The following GPHN variants were observed in gnomAD, a reference collection of about 807,000 sequenced individuals.
GPHN encodes gephyrin.
In GPHN, 17 loss-of-function variants were observed where a neutral mutation model predicts 95.5. That is an observed-to-expected ratio of 0.18 (90% confidence interval 0.12 to 0.27). The LOEUF is 0.27. Ranked by LOEUF, GPHN falls within the 10% of genes least tolerant of loss-of-function variation. The pLI is 1.00. For synonymous variants in GPHN, 320 were observed against 322.5 expected, an observed-to-expected ratio of 0.99 and a Z score of 0.08; for missense variants, 660 against 978.1, an observed-to-expected ratio of 0.67 and a Z score of 4.34.
chr14:67,319,355 T>C, the GPHN span, among the ~76,000 whole-genome samples: 4 of 152,226 alleles, frequency 2.6e-5, no homozygotes, highest in South Asian at 8.3e-4. Flanking sequence ...TGGTTTCATC[T>C]GGATTATGGG....
chr14:67,352,426 CAA>C, the GPHN span, among the ~76,000 whole-genome samples: 54 of 76,658 alleles, frequency 7.0e-4, no homozygotes, highest in Admixed American at 7.2e-4. Flanking sequence ...GACCTTGCCT[CAA>C]AAAAAAAAAA....
chr14:67,690,050 C>T, the GPHN span: 1 of 616,158 alleles, frequency 1.6e-6, no homozygotes, highest in East Asian at 2.8e-5. Context: ...AGCCAGCCAC[C>T]TCCAATATTC....
At chr14:67,256,240 T>C in the GPHN span, among the ~76,000 whole-genome samples, 1 of 151,936 alleles carries the variant, frequency 6.6e-6, no homozygotes, top group Non-Finnish European at 1.5e-5. Flanking sequence ...TTAATAACTT[T>C]ATAAACATCT....
At chr14:67,606,591 T>A in the GPHN span, among the ~76,000 whole-genome samples, 1 of 152,160 alleles carries the variant, frequency 6.6e-6, no homozygotes, top group South Asian at 2.1e-4. Flanking sequence ...ACTATTTTTT[T>A]ATGAAGATTT....
the GPHN span, among the ~76,000 whole-genome samples, chr14:67,448,838 C>T: frequency 6.6e-6 from 1 of 152,120 alleles, no homozygotes; most frequent in Non-Finnish European, 1.5e-5. Context: ...CTTAAAGAAC[C>T]TTGACCTAAG....
intron 1 of GPHN, among the ~76,000 whole-genome samples, chr14:66,603,420 AT>A (rs2062358335): frequency 6.6e-6 from 1 of 151,796 alleles, no homozygotes; most frequent in Non-Finnish European, 1.5e-5. Context: ...CTTTGTGAAC[AT>A]TTTCCTATGC....
At chr14:67,148,325 A>T (rs2081024192) in intron 18 of GPHN, among the ~76,000 whole-genome samples, 2 of 152,156 alleles carry the variant, frequency 1.3e-5, no homozygotes, top group South Asian at 4.1e-4. Flanking sequence ...AAAACTCAGC[A>T]AACTCACTAA....
intron 2 of GPHN, among the ~76,000 whole-genome samples, chr14:66,722,635 G>T (rs1196264604): frequency 1.3e-5 from 2 of 151,838 alleles, no homozygotes; most frequent in Non-Finnish European, 1.5e-5. Flanking sequence ...GTGGAGATGG[G>T]GTCTCACTGT....
At chr14:67,534,052 T>G in the GPHN span, among the ~76,000 whole-genome samples, 1 of 152,048 alleles carries the variant, frequency 6.6e-6, no homozygotes, top group East Asian at 1.9e-4. Flanking sequence ...ATCCACCTCA[T>G]AAAACTCTTC....
chr14:66,508,190 CT>C lies in GPHN; in HGVS notation c.-337del, dbSNP rs2057861854. 2.0e-6 allele frequency: 1 copy of C among 493,894 alleles called. No individual in the cohort carries two copies. Among genetic ancestry groups the C allele is most frequent in the Non-Finnish European group, 3.7e-6 (1 of 269,552 alleles). The allele number at this position is 493,894 out of a possible 1,614,324, so 30.6% of individuals were successfully genotyped here. A position where few individuals can be genotyped will look rare whatever the true frequency, so the allele number is the denominator to read the frequency against. On this transcript the variant is annotated 5_prime_UTR_variant, in exon 1 of 23. Coordinates refer to ENST00000478722, the MANE Select transcript of GPHN (RefSeq NM_020806.5). ...CCATCTAGCTGCCTTGGGTCTCGCGCTCCGCAGAGCGTTCCGACACTCTCCG... is the reference window on the plus strand; with the variant it reads ...CCATCTAGCTGCCTTGGGTCTCGCGCCCGCAGAGCGTTCCGACACTCTCCG...
intron 1 of GPHN, among the ~76,000 whole-genome samples, chr14:66,641,507 T>C (rs1206542495): frequency 6.6e-6 from 1 of 152,154 alleles, no homozygotes; most frequent in East Asian, 1.9e-4. Context: ...TTCACTATCC[T>C]AAATCTGCAT....
chr14:67,393,034 C>T, the GPHN span: 6 of 934,330 alleles, frequency 6.4e-6, no homozygotes, highest in East Asian at 4.8e-5. Context: ...CTCAGGCTAG[C>T]CTGTTGCCCA....
the GPHN span, chr14:67,199,052 C>T: frequency 1.3e-6 from 1 of 764,310 alleles, no homozygotes; most frequent in South Asian, 1.4e-5. Context: ...ATGGCAGGAG[C>T]TCTTTTGCCA....
chr14:66,721,951 CAAAA>C (rs35174343), intron 2 of GPHN, among the ~76,000 whole-genome samples: 1 of 60,114 alleles, frequency 1.7e-5, no homozygotes. Flanking sequence ...AACTCTGTCT[CAAAA>C]AAAAAAAAAA....
chr14:66,947,653 A>G (rs943204951), intron 8 of GPHN, among the ~76,000 whole-genome samples: 1 of 152,156 alleles, frequency 6.6e-6, no homozygotes, highest in Non-Finnish European at 1.5e-5. Flanking sequence ...CGCCATACCC[A>G]TGATGTATAA....
chr14:67,133,095 A>T lies in GPHN; in HGVS notation c.1749-10267A>T, dbSNP rs112226961. On this transcript the variant is annotated intron_variant, in intron 17 of 22. Transcript: ENST00000478722. ...ATGAAATGATGGCTATATGTGTAGT[A>T]TGTAGTTTGATTCCATACGTGAAGT... Among the ~76,000 whole-genome samples, 466 of 152,248 alleles carry T rather than the reference A, an allele frequency of 3.1e-3. 5 individuals are homozygous for T. The highest frequency in any genetic ancestry group is 0.011 in the African/African-American group (448 of 41,566).
the GPHN span, chr14:67,574,317 C>A: frequency 6.2e-7 from 1 of 1,605,610 alleles, no homozygotes; most frequent in East Asian, 2.2e-5. The surrounding 1 kb of genome is among the most constrained non-coding windows in gnomAD (Gnocchi z 4.2). Context: ...CCGAGTACTC[C>A]AGAGCCTGCT....
At chr14:66,919,931 G>A (rs2066123205) in intron 6 of GPHN, among the ~76,000 whole-genome samples, 1 of 152,170 alleles carries the variant, frequency 6.6e-6, no homozygotes, top group African/African-American at 2.4e-5. Context: ...GCCAGGCGTG[G>A]TGGCAGGCAC....
the GPHN span, chr14:67,727,330 A>G: frequency 7.6e-4 from 572 of 753,826 alleles, 3 homozygotes; most frequent in African/African-American, 9.0e-3. Flanking sequence ...TTATGAATGG[A>G]ATAAAAACAG....
Sources: gnomAD v4.1 joint callset for allele counts (sites outside exome capture counted in the v4.1 genomes callset) on GRCh38, gnomAD v4.1.1 for gene constraint, Gnocchi (gnomAD v3.1) non-coding constraint, MANE v1.5 for transcripts, NCBI Gene and HGNC (gene_info 2026-07-23, HGNC 2026-07-21) for gene names.